The following ERC1 variants were observed in gnomAD, a reference collection of about 807,000 sequenced individuals.
ERC1 encodes ELKS/RAB6-interacting/CAST family member 1.
In ERC1, 56 loss-of-function variants were observed where a neutral mutation model predicts 132.0. The observed-to-expected ratio is 0.42, with a 90% confidence interval of 0.34 to 0.53. The LOEUF (loss-of-function observed/expected upper bound fraction) is 0.53, where lower values mean the gene tolerates loss of function less well. Ranked by LOEUF, ERC1 falls within the 20% of genes least tolerant of loss-of-function variation. The pLI is 0.03. For synonymous variants in ERC1, 478 were observed against 476.1 expected, an observed-to-expected ratio of 1.00 and a Z score of -0.05; for missense variants, 1,202 against 1,349.9, an observed-to-expected ratio of 0.89 and a Z score of 1.72.
intron 12 of ERC1, among the ~76,000 whole-genome samples, chr12:1,195,799 A>G (rs951118826): frequency 7.0e-6 from 1 of 143,102 alleles, no homozygotes; most frequent in African/African-American, 2.5e-5. Flanking sequence ...CTGATTGTTT[A>G]AGCCAGTTTG....
At chr12:1,057,069 T>C (rs1329781532) in intron 2 of ERC1, among the ~76,000 whole-genome samples, 2 of 152,226 alleles carry the variant, frequency 1.3e-5, no homozygotes, top group African/African-American at 4.8e-5. Context: ...TAATTTAGCA[T>C]AGGAAACATG....
intron 15 of ERC1, among the ~76,000 whole-genome samples, chr12:1,321,340 G>GTA (rs2082103220): frequency 6.7e-6 from 1 of 149,716 alleles, no homozygotes; most frequent in Non-Finnish European, 1.5e-5. Flanking sequence ...GTGTGTGTGT[G>GTA]TGTATATTTT....
chr12:990,966 T>TGC (rs1402759543), upstream of ERC1: 1 of 151,504 alleles, frequency 6.6e-6, no homozygotes, highest in Non-Finnish European at 1.5e-5. Flanking sequence ...TGTGTGTGTG[T>TGC]GCAGGGACGC....
At chr12:998,894 C>G (rs1385694824) in intron 1 of ERC1, among the ~76,000 whole-genome samples, 1 of 130,538 alleles carries the variant, frequency 7.7e-6, no homozygotes, top group Non-Finnish European at 1.6e-5. Flanking sequence ...GAGTCTTGCT[C>G]TATCGCCCAG....
intron 14 of ERC1, among the ~76,000 whole-genome samples, chr12:1,289,496 T>C (rs1354022091): frequency 6.6e-6 from 1 of 152,210 alleles, no homozygotes; most frequent in Non-Finnish European, 1.5e-5. Context: ...TGTATATTTT[T>C]TTATATTTGT....
At chr12:1,031,453 G>A (rs1450256288) in intron 2 of ERC1, among the ~76,000 whole-genome samples, 1 of 151,962 alleles carries the variant, frequency 6.6e-6, no homozygotes, top group Non-Finnish European at 1.5e-5. Flanking sequence ...CCATTCTATT[G>A]TATCTATTCT....
At chr12:1,266,625 G>A (rs1185439458) in intron 14 of ERC1, among the ~76,000 whole-genome samples, 2 of 151,560 alleles carry the variant, frequency 1.3e-5, no homozygotes, top group East Asian at 1.9e-4. Flanking sequence ...GGCTGGTCTC[G>A]AACTCCTGAC....
At position 1,418,569 on chromosome 12, in the gene ERC1, C is replaced by CTT. The variant is rs778484414; in HGVS notation, c.3024+10324_3024+10325dup. ...CCTTCTTTTCTGAAGTCTTCATTTT[C>CTT]TTTCTTTCTTTCTTTCTTTCTCTTT... On this transcript the variant is annotated intron_variant, in intron 17 of 18. Coordinates refer to ENST00000360905, the MANE Select transcript of ERC1 (RefSeq NM_178040.4). Among the ~76,000 whole-genome samples the CTT allele has an allele frequency of 2.1e-3, 253 of 121,140 alleles. 2 individuals carry two copies. The highest frequency in any genetic ancestry group is 7.7e-3 in the African/African-American group (236 of 30,464). The allele number at this position is 121,140 out of a possible 152,430, so 79.5% of individuals were successfully genotyped here. A position where few individuals can be genotyped will look rare whatever the true frequency, so the allele number is the denominator to read the frequency against.
At chr12:1,242,275 T>C (rs1041674186) in intron 13 of ERC1, among the ~76,000 whole-genome samples, 7 of 152,318 alleles carry the variant, frequency 4.6e-5, no homozygotes, top group African/African-American at 1.2e-4. Flanking sequence ...TGAGTGTCTT[T>C]AGTTTGTTAA....
At chr12:1,329,322 A>T (rs1392215799) in intron 15 of ERC1, among the ~76,000 whole-genome samples, 1 of 146,282 alleles carries the variant, frequency 6.8e-6, no homozygotes, top group African/African-American at 2.6e-5. Context: ...GAAAAGTCTT[A>T]GAAAAGGTTT....
At chr12:1,355,619 A>T (rs1280093051) in intron 15 of ERC1, among the ~76,000 whole-genome samples, 1 of 152,214 alleles carries the variant, frequency 6.6e-6, no homozygotes, top group South Asian at 2.1e-4. Context: ...GAGAATAGCT[A>T]TGTATGCCAG....
At chr12:1,465,749 G>A (rs1249741825) in intron 18 of ERC1, among the ~76,000 whole-genome samples, 1 of 152,192 alleles carries the variant, frequency 6.6e-6, no homozygotes, top group African/African-American at 2.4e-5. Flanking sequence ...TCTCCCCGCA[G>A]TACCACCTGG....
At chr12:1,037,865 A>T (rs113207304) in intron 2 of ERC1, among the ~76,000 whole-genome samples, 3 of 152,064 alleles carry the variant, frequency 2.0e-5, no homozygotes, top group African/African-American at 7.2e-5. Context: ...TAACATGGTG[A>T]AACCCTGTCT....
intron 13 of ERC1, among the ~76,000 whole-genome samples, chr12:1,247,425 G>A (rs1006133858): frequency 6.6e-6 from 1 of 152,060 alleles, no homozygotes; most frequent in African/African-American, 2.4e-5. Flanking sequence ...GGAGCAGATG[G>A]GCACTGTTCT....
chr12:1,058,441 T>C lies in ERC1; in HGVS notation c.670-24723T>C, dbSNP rs148261526. On this transcript the variant is annotated intron_variant, in intron 2 of 18. Transcript: ENST00000360905. ...ATCCAGTTTTCCCAGTACTATCTAT[T>C]GAAGAGGGCGTCCTTTTCCCAAAGT... Among the ~76,000 whole-genome samples, 177 of 152,358 alleles carry C rather than the reference T, an allele frequency of 1.2e-3. 1 individual carries two copies. Among genetic ancestry groups the C allele is most frequent in the African/African-American group, 4.1e-3 (171 of 41,586 alleles).
chr12:1,183,127 AT>A (rs747793920), intron 10 of ERC1, among the ~76,000 whole-genome samples, 153 bp from the exon 11 acceptor site: 32 of 152,314 alleles, frequency 2.1e-4, no homozygotes, highest in South Asian at 6.2e-4. Context: ...TAGAGCTAAT[AT>A]TGTTTTATAT....
chr12:1,127,960 C>T (rs1948382323), intron 7 of ERC1, among the ~76,000 whole-genome samples: 1 of 152,144 alleles, frequency 6.6e-6, no homozygotes, highest in Non-Finnish European at 1.5e-5. Flanking sequence ...AAAAAAATTC[C>T]TCCTACCAGT....
At position 1,383,643 on chromosome 12, in the gene ERC1, A is replaced by C. The variant is rs570139025; in HGVS notation, c.2925+11666A>C. On this transcript the variant is annotated intron_variant, in intron 16 of 18. Coordinates refer to ENST00000360905, the MANE Select transcript of ERC1 (RefSeq NM_178040.4). ...AACAAGACTCTGTCACACACACACA[A>C]AAAAAGCGAATGTGGAATTAAATGA... is the stretch of plus-strand genomic sequence containing the variant. Among the ~76,000 whole-genome samples, 593 of 152,318 alleles carry C rather than the reference A, an allele frequency of 3.9e-3. 1 individual carries two copies. The highest frequency in any genetic ancestry group is 0.013 in the African/African-American group (558 of 41,566).
At chr12:1,427,963 C>T (rs528520220) in intron 17 of ERC1, among the ~76,000 whole-genome samples, 33 of 152,190 alleles carry the variant, frequency 2.2e-4, no homozygotes, top group African/African-American at 6.5e-4. Context: ...CAGGTAGATC[C>T]TGCTTTTCTG....
Sources: allele counts gnomAD v4.1 joint callset (sites outside exome capture counted in the v4.1 genomes callset), GRCh38; gene constraint gnomAD v4.1.1; transcripts MANE v1.5; gene names NCBI Gene and HGNC (gene_info 2026-07-23, HGNC 2026-07-21).